The following ASF1A variants were observed in gnomAD, a reference collection of about 807,000 sequenced individuals.
ASF1A encodes the protein histone chaperone ASF1A.
Under a neutral mutation model 22.0 loss-of-function variants are expected in ASF1A, and 5 were observed. The observed-to-expected ratio is 0.23, with a 90% CI of 0.12 to 0.48. The LOEUF is 0.48. Among genes scored for constraint, ASF1A ranks in the 20% least tolerant of loss-of-function variants. The pLI is 0.99. For synonymous variants in ASF1A, 97 were observed against 86.7 expected (o/e 1.12, Z -0.66); for missense variants, 137 against 240.6 (o/e 0.57, Z 2.85).
chr6:118,902,424 TA>T (rs1360732817), intron 2 of ASF1A, among the ~76,000 whole-genome samples: 1 of 151,840 alleles, frequency 6.6e-6, no homozygotes, highest in Non-Finnish European at 1.5e-5. Context: ...AATTGTTATA[TA>T]AAAAAGCAGG....
At chr6:118,899,392 T>C (rs1314698318) in intron 1 of ASF1A, among the ~76,000 whole-genome samples, 2 of 152,166 alleles carry the variant, frequency 1.3e-5, no homozygotes, top group Non-Finnish European at 2.9e-5. Context: ...TTCATTCTGC[T>C]CCAGCCCTAG....
chr6:118,901,010 C>G (rs1281457115), intron 2 of ASF1A, 129 bp downstream of exon 2: 3 of 663,404 alleles, frequency 4.5e-6, no homozygotes, highest in South Asian at 1.9e-5. Context: ...CACTTTAAAT[C>G]TGTTTCCATC....
Position 118,894,192 on chromosome 6 carries a change from A to C in ASF1A, c.-222A>C. ...CCAATCGAGGGCAACGCTGCTACTT[A>C]TCAGAGCAGAATGGGCTGTAGTTTA... On this transcript the variant is annotated 5_prime_UTR_variant, in exon 1 of 4. Coordinates refer to ENST00000229595, the MANE Select transcript of ASF1A (RefSeq NM_014034.3). The C allele has an allele frequency of 1.5e-6, 2 of 1,334,928 alleles. No individual in the cohort carries two copies. The highest frequency in any genetic ancestry group is 1.9e-6 in the Non-Finnish European group (2 of 1,042,410). The allele number at this position is 1,334,928 out of a possible 1,614,324, so 82.7% of individuals were successfully genotyped here.
At chr6:118,894,963 G>A (rs1562427162) in intron 1 of ASF1A, among the ~76,000 whole-genome samples, 1 of 152,148 alleles carries the variant, frequency 6.6e-6, no homozygotes, top group Non-Finnish European at 1.5e-5. Flanking sequence ...ATCTTACCCC[G>A]AGTCGAGAAT....
chr6:118,894,462 C>T lies in ASF1A; in HGVS notation c.49C>T (p.Pro17Ser). The T allele has an allele frequency of 1.3e-6, 2 of 1,537,190 alleles. No homozygotes were observed. The highest frequency in any genetic ancestry group is 1.7e-6 in the Non-Finnish European group (2 of 1,146,844). The change falls in exon 1 of 4, where the codon CCT becomes TCT. Residue 17 changes from proline (P) to serine (S), a missense_variant. Physicochemically the swap from Pro to Ser is moderately conservative, Grantham distance 74. This residue lies in a region of ASF1A where 96 missense variants were observed against 196.7 expected (regional missense o/e 0.49). Coordinates refer to ENST00000229595, the MANE Select transcript of ASF1A (RefSeq NM_014034.3). ...TGTAGTGGTGCTGGATAACCCTTCT[C>T]CTTTCTACAACCCGTTCCAGTTCGA... The part of the protein sequence containing the change: ...NNVVVLDNPS[P>S]FYNPFQFEIT...
chr6:118,899,282 G>A (rs1014888539), intron 1 of ASF1A, among the ~76,000 whole-genome samples: 22 of 152,126 alleles, frequency 1.4e-4, no homozygotes, highest in Non-Finnish European at 2.2e-4. Context: ...CCCATGCCAC[G>A]CAGTGTGAAA....
At chr6:118,898,425 A>AT (rs34394511) in intron 1 of ASF1A, among the ~76,000 whole-genome samples, 3,197 of 140,522 alleles carry the variant, frequency 0.023, 47 homozygotes, top group African/African-American at 0.039. Flanking sequence ...TTATGTAATA[A>AT]TTTTTTTTTT....
intron 2 of ASF1A, among the ~76,000 whole-genome samples, chr6:118,901,893 A>G (rs142805609): frequency 0.01 from 1,576 of 152,298 alleles, 29 homozygotes; most frequent in African/African-American, 0.036. Flanking sequence ...AATGAATACC[A>G]TTGGTCAAAT....
At chr6:118,898,581 C>G (rs527694786) in intron 1 of ASF1A, among the ~76,000 whole-genome samples, 1 of 152,132 alleles carries the variant, frequency 6.6e-6, no homozygotes, top group Admixed American at 6.5e-5. Context: ...TGTGCCACCC[C>G]TAATTTTTGT....
At chr6:118,905,894 AATTTC>A (rs1780147076) in intron 3 of ASF1A, 66 bp downstream of exon 3, 12 of 1,205,790 alleles carry the variant, frequency 1.0e-5, no homozygotes, top group Non-Finnish European at 1.3e-5. Context: ...TTGCTATTGC[AATTTC>A]ATAGTATACT....
rs1779175184 is a variant in ASF1A at position 118,894,184 on chromosome 6, T to A, written c.-230T>A. 1.5e-5 allele frequency: 19 copies of A among 1,298,354 alleles called. No homozygotes were observed. Among genetic ancestry groups the A allele is most frequent in the Admixed American group, 3.6e-5 (1 of 28,038 alleles). 80.4% of individuals were successfully genotyped at this position (1,298,354 alleles called of 1,614,324 possible). A position where few individuals can be genotyped will look rare whatever the true frequency, so the allele number is the denominator to read the frequency against. ...GGGTGCAGCCAATCGAGGGCAACGC[T>A]GCTACTTATCAGAGCAGAATGGGCT... On this transcript the variant is annotated 5_prime_UTR_variant, in exon 1 of 4. Transcript: ENST00000229595.
At chr6:118,895,077 G>A (rs1327664629) in intron 1 of ASF1A, among the ~76,000 whole-genome samples, 1 of 152,114 alleles carries the variant, frequency 6.6e-6, no homozygotes. Context: ...TGGAGTCGCC[G>A]CACTCTCCGG....
Position 118,900,892 on chromosome 6 carries a change from T to A in ASF1A, c.225+11T>A. ...ATGTTTGTATTTCAGGTAAGATTAATCTTGGTAAATGTGTATGCCAAATAT... is the reference window on the plus strand; with the variant it reads ...ATGTTTGTATTTCAGGTAAGATTAAACTTGGTAAATGTGTATGCCAAATAT... On this transcript the variant is annotated intron_variant, in intron 2 of 3. Transcript: ENST00000229595. 2.6e-6 allele frequency: 4 copies of A among 1,548,632 alleles called. No individual in the cohort carries two copies. The highest frequency in any genetic ancestry group is 3.6e-6 in the Non-Finnish European group (4 of 1,120,212).
rs1381707432 is a variant in ASF1A, at chr6:118,909,097, T to A, written c.*1483T>A. On this transcript the variant is annotated 3_prime_UTR_variant, in exon 4 of 4. Coordinates refer to ENST00000229595, the MANE Select transcript of ASF1A (RefSeq NM_014034.3). ...CTGTTAAAACTATATAAAGAAAATC[T>A]CATTTGTCTAATTGCAATTAAAAGA... 1 of 152,188 alleles carries A rather than the reference T, an allele frequency of 6.6e-6. No homozygotes were observed. The highest frequency in any genetic ancestry group is 1.5e-5 in the Non-Finnish European group (1 of 68,022). 9.4% of individuals were successfully genotyped at this position (152,188 alleles called of 1,614,324 possible).
chr6:118,894,323 C>A lies in ASF1A; in HGVS notation c.-91C>A, dbSNP rs903847191. On this transcript the variant is annotated 5_prime_UTR_variant, in exon 1 of 4. Transcript: ENST00000229595. ...GCACGACGTCTGGCCGGCGCTGGAGCGGGGGTCTGCGCTCTCCCGAGCGGC... is the reference window on the plus strand; with the variant it reads ...GCACGACGTCTGGCCGGCGCTGGAGAGGGGGTCTGCGCTCTCCCGAGCGGC... 1 of 1,514,702 alleles carries A rather than the reference C, an allele frequency of 6.6e-7. No individual in the cohort carries two copies. The allele number at this position is 1,514,702 out of a possible 1,614,324, so 93.8% of individuals were successfully genotyped here. A position where few individuals can be genotyped will look rare whatever the true frequency, so the allele number is the denominator to read the frequency against.
In ASF1A at chr6:118,898,698, G is replaced by A. The variant is rs145354116; in HGVS notation, c.110-2068G>A. ...CTCCCACAATGCTGGGATTACAGGC[G>A]TGAGCCACTGCGCCCAGCCACTCTA... On this transcript the variant is annotated intron_variant, in intron 1 of 3. Transcript: ENST00000229595. Among the ~76,000 whole-genome samples the A allele has an allele frequency of 9.8e-5, 15 of 152,296 alleles. No homozygotes were observed. The East Asian group carries it at 2.5e-3, about 25-fold the overall frequency.
At chr6:118,905,092 T>G (rs1780084388) in intron 2 of ASF1A, among the ~76,000 whole-genome samples, 1 of 152,200 alleles carries the variant, frequency 6.6e-6, no homozygotes, top group African/African-American at 2.4e-5. Context: ...CACCTTGGCC[T>G]CCCAAAGTGC....
rs1320445938 is a variant in ASF1A at position 118,907,611 on chromosome 6, G to A, written c.612G>A (p.Met204Ile). The A allele has an allele frequency of 1.2e-6, 2 of 1,611,758 alleles. No homozygotes were observed. The highest frequency in any genetic ancestry group is 2.2e-5 in the South Asian group (2 of 91,034). Residue 204 changes from methionine to isoleucine, a missense_variant, in exon 4 of 4, where the codon ATG (methionine) becomes ATA (isoleucine). Physicochemically the swap from Met to Ile is conservative, Grantham distance 10. This residue lies in a region of ASF1A where 41 missense variants were observed against 43.9 expected (regional missense o/e 0.93). Coordinates refer to ENST00000229595, the MANE Select transcript of ASF1A (RefSeq NM_014034.3). ...TGTTAGAATCCCACATGGACTGCAT[G>A]TGACCACCTACCATCCCTTTAGTAC... is the stretch of plus-strand genomic sequence containing the variant. ...NVMLESHMDC[M>I]
In ASF1A at chr6:118,894,423, G is replaced by C. The variant is rs1779200672; in HGVS notation, c.10G>C (p.Val4Leu). MAKVQVNNVVVLDN... is the reference protein window; with the variant it reads MAKLQVNNVVVLDN... ...GTGTTTTTTTCAAAATATGGCAAAG[G>C]TTCAGGTGAACAATGTAGTGGTGCT... Residue 4 changes from valine to leucine, a missense_variant, in exon 1 of 4, where the codon GTT (valine) becomes CTT (leucine). Val to Leu is a conservative substitution (Grantham distance 32). This residue lies in a region of ASF1A where 96 missense variants were observed against 196.7 expected (regional missense o/e 0.49). Coordinates refer to ENST00000229595, the MANE Select transcript of ASF1A (RefSeq NM_014034.3). The C allele has an allele frequency of 6.5e-7, 1 of 1,536,922 alleles. No individual in the cohort carries two copies.
Sources: gnomAD v4.1 joint callset for allele counts (sites outside exome capture counted in the v4.1 genomes callset) on GRCh38, gnomAD v4.1.1 for gene constraint, gnomAD v4.1.1 regional missense constraint, MANE v1.5 for transcripts, NCBI Gene and HGNC (gene_info 2026-07-23, HGNC 2026-07-21) for gene names.